The following TAFA2 variants were observed in gnomAD, a reference collection of about 807,000 sequenced individuals.
The protein encoded by TAFA2 is TAFA chemokine like family member 2.
TAFA2 carries 7 observed loss-of-function variants against 18.8 expected under a neutral mutation model. The ratio of observed to expected loss-of-function variants is 0.37; its 90% CI spans 0.21 to 0.70. The LOEUF (loss-of-function observed/expected upper bound fraction) is 0.70, where lower values mean the gene tolerates loss of function less well. Among genes scored for constraint, TAFA2 ranks in the 30% least tolerant of loss-of-function variants. TAFA2 has a pLI of 0.53. For synonymous variants in TAFA2, 60 were observed against 54.2 expected (o/e 1.11, Z -0.47); for missense variants, 122 against 158.1 (o/e 0.77, Z 1.23).
chr12:61,988,098 G>A (rs769357352), intron 1 of TAFA2, among the ~76,000 whole-genome samples: 23 of 152,084 alleles, frequency 1.5e-4, no homozygotes, highest in Non-Finnish European at 2.4e-4. Flanking sequence ...AGTTATCACA[G>A]GAATGCTATC....
chr12:61,733,140 G>T (rs781222539), intron 4 of TAFA2, among the ~76,000 whole-genome samples: 14 of 151,812 alleles, frequency 9.2e-5, no homozygotes, highest in East Asian at 3.9e-4. Context: ...TCTTGTAAAT[G>T]TGTTTGAGTT....
intron 1 of TAFA2, among the ~76,000 whole-genome samples, chr12:62,067,058 A>G (rs1342814264): frequency 6.6e-6 from 1 of 151,958 alleles, no homozygotes; most frequent in Non-Finnish European, 1.5e-5. Context: ...ATTTATCTGA[A>G]GATCAGTGAT....
At chr12:62,145,726 G>T (rs2062275604) in intron 1 of TAFA2, 1 of 152,186 alleles carries the variant, frequency 6.6e-6, no homozygotes, top group Admixed American at 6.6e-5. Context: ...GCCCAGTCTG[G>T]AGAAAATATC....
intron 2 of TAFA2, among the ~76,000 whole-genome samples, chr12:61,827,002 G>A (rs1292857843): frequency 1.3e-5 from 2 of 151,982 alleles, no homozygotes; most frequent in Non-Finnish European, 2.9e-5. Flanking sequence ...TATAATAATA[G>A]AACTTCCCAA....
chr12:62,246,260 A>G (rs60968357), intron 1 of TAFA2, among the ~76,000 whole-genome samples: 14,208 of 152,248 alleles, frequency 0.093, 733 homozygotes, highest in Middle Eastern at 0.18. Flanking sequence ...TGCTGGGATT[A>G]CAAGCGTGAG....
At chr12:61,969,977 T>TA (rs1879192090) in intron 1 of TAFA2, among the ~76,000 whole-genome samples, 2 of 151,188 alleles carry the variant, frequency 1.3e-5, no homozygotes, top group South Asian at 4.2e-4. Context: ...AGAAAGGAAA[T>TA]ACGGTTGGAC....
chr12:62,108,407 G>T (rs180878367), intron 1 of TAFA2, among the ~76,000 whole-genome samples: 1 of 152,080 alleles, frequency 6.6e-6, no homozygotes, highest in Non-Finnish European at 1.5e-5. Flanking sequence ...CATTTGGGTT[G>T]GTCCCAAGTC....
At chr12:62,140,318 T>C (rs2062229356) in intron 1 of TAFA2, 1 of 152,244 alleles carries the variant, frequency 6.6e-6, no homozygotes, top group Non-Finnish European at 1.5e-5. Context: ...GAACTTCTCC[T>C]GTCTGCAAGA....
intron 2 of TAFA2, among the ~76,000 whole-genome samples, chr12:61,860,478 A>G (rs1199873109): frequency 6.6e-6 from 1 of 152,238 alleles, no homozygotes; most frequent in East Asian, 1.9e-4. Flanking sequence ...GATCCTTCTA[A>G]TATCCTAGGC....
chr12:62,128,595 T>C (rs1357568192), intron 1 of TAFA2, among the ~76,000 whole-genome samples: 1 of 152,046 alleles, frequency 6.6e-6, no homozygotes, highest in African/African-American at 2.4e-5. Context: ...TTCTCAGTAC[T>C]GCCCTCTCCC....
At chr12:61,927,162 A>G (rs553881930) in intron 1 of TAFA2, among the ~76,000 whole-genome samples, 2 of 151,732 alleles carry the variant, frequency 1.3e-5, no homozygotes, top group Non-Finnish European at 2.9e-5. Context: ...AATTCTGGGC[A>G]GGGCAATCAG....
chr12:62,221,216 GGGAA>G (rs371693194), intron 1 of TAFA2, among the ~76,000 whole-genome samples: 2,782 of 78,368 alleles, frequency 0.035, 53 homozygotes, highest in Middle Eastern at 0.082. Context: ...GAAGGAAGGG[GGGAA>G]GGAAGGAAGG....
chr12:62,036,508 A>T (rs916182376), intron 1 of TAFA2, among the ~76,000 whole-genome samples: 1 of 152,168 alleles, frequency 6.6e-6, no homozygotes, highest in African/African-American at 2.4e-5. Flanking sequence ...TTGTCCATTC[A>T]TTTATCTGAA....
intron 4 of TAFA2, among the ~76,000 whole-genome samples, chr12:61,718,950 C>T (rs1307907147): frequency 2.0e-5 from 3 of 152,128 alleles, no homozygotes; most frequent in East Asian, 1.9e-4. Context: ...AATTCCTTTT[C>T]GCAGCCTAGA....
At chr12:61,732,865 G>C (rs1868249185) in intron 4 of TAFA2, among the ~76,000 whole-genome samples, 1 of 151,836 alleles carries the variant, frequency 6.6e-6, no homozygotes, top group South Asian at 2.1e-4. Flanking sequence ...TTAAATTTTA[G>C]CTATATTGAA....
chr12:62,135,415 G>T (rs753358373), intron 1 of TAFA2, among the ~76,000 whole-genome samples: 2 of 152,104 alleles, frequency 1.3e-5, no homozygotes, highest in East Asian at 1.9e-4. Flanking sequence ...GACAGGCATC[G>T]CAAGATTGCC....
intron 1 of TAFA2, among the ~76,000 whole-genome samples, chr12:61,984,040 C>T (rs935185991): frequency 1.3e-5 from 2 of 152,146 alleles, no homozygotes; most frequent in Admixed American, 6.5e-5. Context: ...GTACCTGACA[C>T]ACTCATATAA....
At chr12:62,112,842 T>C (rs1869793525) in intron 1 of TAFA2, among the ~76,000 whole-genome samples, 2 of 152,280 alleles carry the variant, frequency 1.3e-5, no homozygotes, top group African/African-American at 4.8e-5. Context: ...AGGTCATTTA[T>C]GTTCTTCTCT....
At chr12:62,121,558 T>G (rs1375209448) in intron 1 of TAFA2, among the ~76,000 whole-genome samples, 1 of 152,232 alleles carries the variant, frequency 6.6e-6, no homozygotes, top group Non-Finnish European at 1.5e-5. Flanking sequence ...TTTCATCTTA[T>G]GGCAATGATT....
Sources: gnomAD v4.1 joint callset for allele counts (sites outside exome capture counted in the v4.1 genomes callset) on GRCh38, gnomAD v4.1.1 for gene constraint, MANE v1.5 for transcripts, NCBI Gene and HGNC (gene_info 2026-07-23, HGNC 2026-07-21) for gene names.